The following GATAD2A variants were observed in gnomAD, a reference collection of about 807,000 sequenced individuals.
GATAD2A encodes GATA zinc finger domain containing 2A, also known as transcriptional repressor p66-alpha.
Under a neutral mutation model 68.5 loss-of-function variants are expected in GATAD2A, and 12 were observed. The ratio of observed to expected loss-of-function variants is 0.18; its 90% confidence interval spans 0.11 to 0.28. The LOEUF (loss-of-function observed/expected upper bound fraction) is 0.28, where lower values mean the gene tolerates loss of function less well. Ranked by LOEUF, GATAD2A falls within the 10% of genes least tolerant of loss-of-function variation. The pLI is 1.00. For synonymous variants in GATAD2A, 410 were observed against 375.3 expected, an observed-to-expected ratio of 1.09 and a Z score of -1.07; for missense variants, 755 against 868.5, an observed-to-expected ratio of 0.87 and a Z score of 1.64.
rs557111140 is a variant in GATAD2A, at chr19:19,492,882, A to T, written c.534+170A>T. 3.3e-5 allele frequency among the ~76,000 whole-genome samples: 5 copies of T among 152,066 alleles called. No individual in the cohort carries two copies. The East Asian group carries it at 7.7e-4, about 24-fold the overall frequency. ...CCAGTGTGCATTTTGGATTCAGCTTACAAGATGTTAAAGTGAATTTCAGTC... is the reference window on the plus strand; with the variant it reads ...CCAGTGTGCATTTTGGATTCAGCTTTCAAGATGTTAAAGTGAATTTCAGTC... On this transcript the variant is annotated intron_variant, in intron 4 of 11. Coordinates refer to ENST00000683918, the MANE Select transcript of GATAD2A (RefSeq NM_001384528.1).
chr19:19,417,320 C>T (rs1006455408), intron 1 of GATAD2A, among the ~76,000 whole-genome samples: 5 of 152,180 alleles, frequency 3.3e-5, no homozygotes, highest in African/African-American at 1.2e-4. Flanking sequence ...AGAATAGCCT[C>T]ATCTTACTCC....
At chr19:19,432,145 T>C (rs1316270283) in intron 1 of GATAD2A, among the ~76,000 whole-genome samples, 4 of 151,780 alleles carry the variant, frequency 2.6e-5, no homozygotes, top group Non-Finnish European at 4.4e-5. Context: ...TTGGCTAATT[T>C]TGTATTTTTA....
rs199738893 is a variant in GATAD2A, at chr19:19,502,073, C to T, written c.1578+30C>T. On this transcript the variant is annotated intron_variant, in intron 10 of 11. Coordinates refer to ENST00000683918, the MANE Select transcript of GATAD2A (RefSeq NM_001384528.1). ...GAACCGCACTGGGCGCCGGGAGCCT[C>T]GCGCCCCCACCGCAGCCCGTGACCA... 1.2e-3 allele frequency: 1,823 copies of T among 1,528,674 alleles called. 13 individuals are homozygous for T. The African/African-American group carries it at 0.021, about 18-fold the overall frequency. 94.7% of individuals were successfully genotyped at this position (1,528,674 alleles called of 1,614,324 possible). A position where few individuals can be genotyped will look rare whatever the true frequency, so the allele number is the denominator to read the frequency against.
chr19:19,441,287 CTG>C, intron 1 of GATAD2A, among the ~76,000 whole-genome samples: 1 of 152,112 alleles, frequency 6.6e-6, no homozygotes, highest in East Asian at 1.9e-4. Flanking sequence ...AGCATTATTC[CTG>C]TTATATATTG....
intron 1 of GATAD2A, among the ~76,000 whole-genome samples, chr19:19,460,093 G>A (rs1351252321): frequency 6.6e-6 from 1 of 152,202 alleles, no homozygotes; most frequent in Non-Finnish European, 1.5e-5. Context: ...GCCAAAACTT[G>A]GCCCACCTAT....
At chr19:19,387,176 G>A (rs1221523517) in intron 1 of GATAD2A, among the ~76,000 whole-genome samples, 1 of 151,548 alleles carries the variant, frequency 6.6e-6, no homozygotes, top group African/African-American at 2.4e-5. Flanking sequence ...CCCACCTTTT[G>A]TGGACCCCTG....
chr19:19,461,915 C>G (rs762557367), intron 1 of GATAD2A, among the ~76,000 whole-genome samples: 1 of 152,168 alleles, frequency 6.6e-6, no homozygotes, highest in African/African-American at 2.4e-5. Context: ...AGGCAGCAGC[C>G]GGCAGAGGAT....
intron 1 of GATAD2A, among the ~76,000 whole-genome samples, chr19:19,449,508 C>T (rs189955185): frequency 2.6e-5 from 4 of 151,116 alleles, no homozygotes; most frequent in African/African-American, 7.3e-5. Context: ...ATTTTTAAAA[C>T]GTTGATGGTT....
At chr19:19,470,759 A>G (rs923741494) in intron 2 of GATAD2A, among the ~76,000 whole-genome samples, 1 of 152,126 alleles carries the variant, frequency 6.6e-6, no homozygotes, top group Non-Finnish European at 1.5e-5. Flanking sequence ...AAACAAAAAA[A>G]AAAGGAAGTA....
rs1280654938 is a variant in GATAD2A at position 19,405,679 on chromosome 19, C to A, written c.-347C>A. The A allele has an allele frequency of 6.6e-6, 1 of 151,946 alleles. No individual in the cohort carries two copies. The highest frequency in any genetic ancestry group is 1.5e-5 in the Non-Finnish European group (1 of 67,946). The allele number at this position is 151,946 out of a possible 1,614,324, so 9.4% of individuals were successfully genotyped here. The stretch of plus-strand genomic sequence containing the variant: ...AGGCCCCGCCCCTCGGTCGCCACGC[C>A]CCGCCCAGCCGGGCGCGGGCGGGCG... On this transcript the variant is annotated 5_prime_UTR_variant, in exon 1 of 12. Coordinates refer to ENST00000683918, the MANE Select transcript of GATAD2A (RefSeq NM_001384528.1).
chr19:19,455,032 C>CT (rs1299244544), intron 1 of GATAD2A, among the ~76,000 whole-genome samples: 2 of 152,112 alleles, frequency 1.3e-5, no homozygotes, highest in Admixed American at 1.3e-4. Context: ...TGTTTTGTGT[C>CT]TTTGAGTTCT....
intron 1 of GATAD2A, among the ~76,000 whole-genome samples, chr19:19,414,715 T>C (rs2051375083): frequency 6.6e-6 from 1 of 150,544 alleles, no homozygotes; most frequent in Non-Finnish European, 1.5e-5. Flanking sequence ...TTTTTTTTTT[T>C]GTAGAGATGG....
At chr19:19,401,473 A>T (rs950371953), upstream of GATAD2A, among the ~76,000 whole-genome samples, 2 of 152,068 alleles carry the variant, frequency 1.3e-5, no homozygotes, top group Admixed American at 6.6e-5. Context: ...TTGGCCTCCC[A>T]AAGTGCTGGG....
intron 10 of GATAD2A, 39 bp downstream of exon 10, chr19:19,502,082 AC>A: frequency 6.8e-7 from 1 of 1,478,204 alleles, no homozygotes; most frequent in Non-Finnish European, 9.4e-7. Flanking sequence ...TCGCGCCCCC[AC>A]CGCAGCCCGT....
intron 1 of GATAD2A, among the ~76,000 whole-genome samples, chr19:19,464,516 A>G (rs1365012680): frequency 6.6e-6 from 1 of 152,126 alleles, no homozygotes; most frequent in Admixed American, 6.6e-5. Context: ...GAGGGTTAAC[A>G]ACACTTCAGC....
At chr19:19,410,946 C>T (rs760311043) in intron 1 of GATAD2A, among the ~76,000 whole-genome samples, 1 of 152,194 alleles carries the variant, frequency 6.6e-6, no homozygotes, top group Non-Finnish European at 1.5e-5. Flanking sequence ...CCTGTGTGTT[C>T]CACATGTTGC....
intron 1 of GATAD2A, among the ~76,000 whole-genome samples, chr19:19,394,177 C>T (rs938144789): frequency 1.4e-4 from 22 of 152,006 alleles, no homozygotes; most frequent in African/African-American, 5.3e-4. Flanking sequence ...TGTGAGCCAC[C>T]ATGCCTGGCC....
intron 11 of GATAD2A, among the ~76,000 whole-genome samples, chr19:19,503,571 T>G (rs1035308579): frequency 2.0e-5 from 3 of 151,892 alleles, no homozygotes; most frequent in Non-Finnish European, 4.4e-5. Flanking sequence ...TGTGGGAAGT[T>G]TGAAAGGATA....
chr19:19,463,681 G>A (rs1327313118), intron 1 of GATAD2A, among the ~76,000 whole-genome samples: 5 of 152,194 alleles, frequency 3.3e-5, no homozygotes, highest in African/African-American at 9.6e-5. Context: ...GTCATGTTAA[G>A]GGTCAGCCAT....
Sources: allele counts gnomAD v4.1 joint callset (sites outside exome capture counted in the v4.1 genomes callset), GRCh38; gene constraint gnomAD v4.1.1; transcripts MANE v1.5; gene names NCBI Gene and HGNC (gene_info 2026-07-23, HGNC 2026-07-21).